The following FGGY variants were observed in gnomAD, a reference collection of about 807,000 sequenced individuals.
FGGY encodes FGGY carbohydrate kinase domain containing.
In FGGY, 72 loss-of-function variants were observed where a neutral mutation model predicts 71.3. The ratio of observed to expected loss-of-function variants is 1.01; its 90% CI spans 0.84 to 1.23. The LOEUF (loss-of-function observed/expected upper bound fraction) is 1.23, where lower values mean the gene tolerates loss of function less well. FGGY is among the 50% of genes most tolerant of loss of function. FGGY has a pLI of 0.00. For synonymous variants in FGGY, 251 were observed against 250.3 expected (o/e 1.00, Z -0.02); for missense variants, 668 against 682.3 (o/e 0.98, Z 0.23).
At chr1:59,747,415 A>G (rs533600632) in intron 14 of FGGY, among the ~76,000 whole-genome samples, 25 of 152,220 alleles carry the variant, frequency 1.6e-4, no homozygotes, top group Non-Finnish European at 3.1e-4. Context: ...CTGAATCGGA[A>G]TGAAACTTTC....
At chr1:59,523,204 A>T (rs1394959460) in intron 7 of FGGY, among the ~76,000 whole-genome samples, 1 of 152,236 alleles carries the variant, frequency 6.6e-6, no homozygotes, top group African/African-American at 2.4e-5. Flanking sequence ...GGGGGCCCAG[A>T]GTCTAAGATT....
At chr1:59,538,678 G>C (rs1193255983) in intron 7 of FGGY, among the ~76,000 whole-genome samples, 1 of 151,976 alleles carries the variant, frequency 6.6e-6, no homozygotes, top group Non-Finnish European at 1.5e-5. Flanking sequence ...AAAAGGATGA[G>C]TTCATGTCCT....
At chr1:59,627,471 T>C (rs2096868355) in intron 10 of FGGY, among the ~76,000 whole-genome samples, 1 of 129,644 alleles carries the variant, frequency 7.7e-6, no homozygotes, top group Non-Finnish European at 1.6e-5. Flanking sequence ...TATATATATA[T>C]ATATATATAT....
intron 6 of FGGY, 70 bp from the exon 7 acceptor site, chr1:59,512,240 TA>T (rs546946432): frequency 1.3e-5 from 19 of 1,484,690 alleles, no homozygotes; most frequent in Admixed American, 9.2e-5. Flanking sequence ...GAGTTTCTCT[TA>T]AAAAAAACCC....
chr1:59,678,289 C>A (rs2097456461), intron 14 of FGGY, among the ~76,000 whole-genome samples: 1 of 152,178 alleles, frequency 6.6e-6, no homozygotes, highest in African/African-American at 2.4e-5. Context: ...GTCTTGACCT[C>A]TGTGACCTTT....
intron 11 of FGGY, among the ~76,000 whole-genome samples, chr1:59,651,340 T>A (rs1457286765): frequency 6.6e-6 from 1 of 151,080 alleles, no homozygotes; most frequent in Non-Finnish European, 1.5e-5. Context: ...CTGTCTAATG[T>A]TGACAGTGGG....
intron 7 of FGGY, among the ~76,000 whole-genome samples, chr1:59,538,629 T>G (rs2095379559): frequency 6.6e-6 from 1 of 150,574 alleles, no homozygotes; most frequent in African/African-American, 2.5e-5. Context: ...ATTAAGAAAA[T>G]GTGGCACATA....
chr1:59,397,592 C>T (rs771967544), intron 5 of FGGY, among the ~76,000 whole-genome samples: 4 of 151,696 alleles, frequency 2.6e-5, no homozygotes, highest in Non-Finnish European at 4.4e-5. Flanking sequence ...CTTTTTTTTG[C>T]AGACATCTGC....
At chr1:59,521,591 G>A (rs1010111883) in intron 7 of FGGY, among the ~76,000 whole-genome samples, 2 of 152,106 alleles carry the variant, frequency 1.3e-5, no homozygotes, top group African/African-American at 4.8e-5. Flanking sequence ...AGTAATCATA[G>A]GCTTTAGAAC....
chr1:59,375,447 A>C (rs188241582), intron 4 of FGGY, among the ~76,000 whole-genome samples: 1 of 152,242 alleles, frequency 6.6e-6, no homozygotes, highest in Non-Finnish European at 1.5e-5. Context: ...GAATATTGCT[A>C]TCTTCCCTTC....
intron 14 of FGGY, among the ~76,000 whole-genome samples, chr1:59,675,340 A>G (rs887317928): frequency 2.0e-5 from 3 of 152,212 alleles, no homozygotes; most frequent in African/African-American, 7.2e-5. Flanking sequence ...CCTAATACCT[A>G]TAACAATGCT....
At chr1:59,438,329 G>C (rs2153473253) in intron 5 of FGGY, among the ~76,000 whole-genome samples, 1 of 152,298 alleles carries the variant, frequency 6.6e-6, no homozygotes, top group African/African-American at 2.4e-5. Context: ...CTGCTTACTT[G>C]AGAGGTAAGT....
At chr1:59,482,737 G>A (rs1021085977) in intron 6 of FGGY, among the ~76,000 whole-genome samples, 1 of 151,512 alleles carries the variant, frequency 6.6e-6, no homozygotes, top group African/African-American at 2.4e-5. Flanking sequence ...TCATTTTATA[G>A]GTGAGGAAAC....
intron 4 of FGGY, among the ~76,000 whole-genome samples, chr1:59,359,462 C>T (rs1040376911): frequency 1.4e-4 from 21 of 152,210 alleles, no homozygotes; most frequent in African/African-American, 5.1e-4. Flanking sequence ...TATTCCAGCA[C>T]ATTATAGTTA....
At chr1:59,685,621 T>C (rs7513951) in intron 14 of FGGY, among the ~76,000 whole-genome samples, 124,654 of 152,150 alleles carry the variant, frequency 0.82, 51,535 homozygotes, top group Non-Finnish European at 0.88. Context: ...AGTATTAGTA[T>C]TAATATTTGT....
intron 4 of FGGY, among the ~76,000 whole-genome samples, chr1:59,371,296 A>C (rs1422885892): frequency 6.6e-6 from 1 of 152,146 alleles, no homozygotes; most frequent in Non-Finnish European, 1.5e-5. Context: ...AACAAAGATC[A>C]AAAGAGACAA....
At chr1:59,506,033 C>T (rs1253939717) in intron 6 of FGGY, among the ~76,000 whole-genome samples, 12 of 152,090 alleles carry the variant, frequency 7.9e-5, no homozygotes, top group Non-Finnish European at 1.5e-5. Flanking sequence ...TTTTTACATA[C>T]CCAGGTGAGG....
intron 2 of FGGY, among the ~76,000 whole-genome samples, chr1:59,322,436 C>G (rs1333642364): frequency 1.3e-5 from 2 of 152,136 alleles, no homozygotes; most frequent in Admixed American, 1.3e-4. Flanking sequence ...TTTTATTCCT[C>G]ACCACCCCCC....
chr1:59,557,929 C>T (rs1350749010), intron 8 of FGGY, among the ~76,000 whole-genome samples: 1 of 152,178 alleles, frequency 6.6e-6, no homozygotes, highest in East Asian at 1.9e-4. Flanking sequence ...CTGGGAACTA[C>T]ATCTGCATCT....
Sources: gnomAD v4.1 joint callset for allele counts (sites outside exome capture counted in the v4.1 genomes callset) on GRCh38, gnomAD v4.1.1 for gene constraint, MANE v1.5 for transcripts, NCBI Gene and HGNC (gene_info 2026-07-23, HGNC 2026-07-21) for gene names.